The following SLC1A1 variants were observed in gnomAD, a reference collection of about 807,000 sequenced individuals.
SLC1A1 encodes excitatory amino acid transporter 3.
In SLC1A1, 43 loss-of-function variants were observed where a neutral mutation model predicts 53.3. The ratio of observed to expected loss-of-function variants is 0.81; its 90% CI spans 0.63 to 1.04. SLC1A1 has a LOEUF of 1.04. SLC1A1 is among the 50% of genes least tolerant of loss of function. SLC1A1 has a pLI of 0.00. For missense variants in SLC1A1, 748 were observed against 664.9 expected, an observed-to-expected ratio of 1.12 and a Z score of -1.37; for synonymous variants, 307 against 243.2, an observed-to-expected ratio of 1.26 and a Z score of -2.44.
chr9:4,542,181 GGA>G (rs2130874363), intron 1 of SLC1A1, among the ~76,000 whole-genome samples: 1 of 148,592 alleles, frequency 6.7e-6, no homozygotes, highest in East Asian at 1.9e-4. Flanking sequence ...AAAAGGAAAG[GGA>G]GAGACACGGA....
At chr9:4,509,399 C>A (rs1338861726) in intron 1 of SLC1A1, among the ~76,000 whole-genome samples, 1 of 151,998 alleles carries the variant, frequency 6.6e-6, no homozygotes, top group Admixed American at 6.6e-5. Flanking sequence ...GTGAGGCACC[C>A]AGGGATGAAT....
At chr9:4,496,049 C>T (rs950780567) in intron 1 of SLC1A1, among the ~76,000 whole-genome samples, 1 of 152,084 alleles carries the variant, frequency 6.6e-6, no homozygotes, top group Admixed American at 6.6e-5. Context: ...GACAGCATGT[C>T]AGGGACCTGG....
intron 1 of SLC1A1, among the ~76,000 whole-genome samples, chr9:4,519,959 T>C (rs1816008328): frequency 6.6e-6 from 1 of 152,220 alleles, no homozygotes; most frequent in Non-Finnish European, 1.5e-5. Flanking sequence ...TATTTTACTT[T>C]ATCTATAGGG....
chr9:4,567,569 C>T, intron 5 of SLC1A1, 100 bp from the exon 6 acceptor site: 1 of 747,494 alleles, frequency 1.3e-6, no homozygotes. Context: ...CCTTCAGTGG[C>T]ACTGTTTGGC....
At chr9:4,492,856 C>A (rs1411849428) in intron 1 of SLC1A1, among the ~76,000 whole-genome samples, 1 of 152,030 alleles carries the variant, frequency 6.6e-6, no homozygotes, top group African/African-American at 2.4e-5. Context: ...CCTCCTGATT[C>A]CCTGTGGAAG....
intron 1 of SLC1A1, among the ~76,000 whole-genome samples, chr9:4,505,990 A>C (rs954790466): frequency 6.6e-6 from 1 of 152,006 alleles, no homozygotes; most frequent in African/African-American, 2.4e-5. Context: ...CGCCTGGCTA[A>C]TTTTTGTATG....
At chr9:4,520,235 T>G (rs1349341906) in intron 1 of SLC1A1, among the ~76,000 whole-genome samples, 1 of 152,132 alleles carries the variant, frequency 6.6e-6, no homozygotes, top group Non-Finnish European at 1.5e-5. Flanking sequence ...TCCTGCCAAG[T>G]GGAAGTTTGA....
rs950876487 is a variant in SLC1A1, at chr9:4,556,307, A to C, written c.233-5142A>C. ...AGTGCTGGGATTACCGGCGTGAGCC[A>C]CTACGCCCCGCCCCTATCTTTTATT... On this transcript the variant is annotated intron_variant, in intron 2 of 11. Coordinates refer to ENST00000262352, the MANE Select transcript of SLC1A1 (RefSeq NM_004170.6). The surrounding 1 kb of genome is among the most constrained non-coding windows in gnomAD (Gnocchi z 4.1). Among the ~76,000 whole-genome samples, 8 of 152,338 alleles carry C rather than the reference A, an allele frequency of 5.3e-5. No homozygotes were observed. The highest frequency in any genetic ancestry group is 1.9e-4 in the African/African-American group (8 of 41,584).
At chr9:4,496,975 G>A (rs1820448703) in intron 1 of SLC1A1, among the ~76,000 whole-genome samples, 1 of 152,098 alleles carries the variant, frequency 6.6e-6, no homozygotes, top group African/African-American at 2.4e-5. Flanking sequence ...TGGGACAGTA[G>A]AAGACAGTGT....
At chr9:4,505,816 C>G (rs1174772050) in intron 1 of SLC1A1, among the ~76,000 whole-genome samples, 1 of 152,072 alleles carries the variant, frequency 6.6e-6, no homozygotes, top group Non-Finnish European at 1.5e-5. Flanking sequence ...GCCACCACGC[C>G]CAGCTAATTT....
chr9:4,555,276 A>T (rs776614407), intron 2 of SLC1A1, among the ~76,000 whole-genome samples: 12 of 152,204 alleles, frequency 7.9e-5, no homozygotes, highest in Non-Finnish European at 1.3e-4. Flanking sequence ...GCATAACACC[A>T]CCAAATGTCA....
intron 1 of SLC1A1, among the ~76,000 whole-genome samples, chr9:4,495,766 C>T (rs1311543121): frequency 6.6e-6 from 1 of 151,866 alleles, no homozygotes; most frequent in African/African-American, 2.4e-5. Flanking sequence ...CTCAGCTGAG[C>T]AGCCAGGAGT....
At chr9:4,525,718 A>AT (rs1195094112) in intron 1 of SLC1A1, among the ~76,000 whole-genome samples, 1 of 152,234 alleles carries the variant, frequency 6.6e-6, no homozygotes, top group Non-Finnish European at 1.5e-5. Flanking sequence ...TGAATTAAAC[A>AT]TCCAGTAAAT....
At position 4,490,811 on chromosome 9, in the gene SLC1A1, C is replaced by A. The variant is rs776595713; in HGVS notation, c.91+41C>A. On this transcript the variant is annotated intron_variant, in intron 1 of 11. Coordinates refer to ENST00000262352, the MANE Select transcript of SLC1A1 (RefSeq NM_004170.6). ...GGTGGGCGATGCGCGCACCCTCACG[C>A]GCTCTCTGCGCCCAGGCCGCGTGCG... is the stretch of plus-strand genomic sequence containing the variant. 7.2e-6 allele frequency: 11 copies of A among 1,531,230 alleles called. No individual in the cohort carries two copies. The Admixed American group carries it at 1.7e-4, about 24-fold the overall frequency. 94.9% of individuals were successfully genotyped at this position (1,531,230 alleles called of 1,614,324 possible). A position where few individuals can be genotyped will look rare whatever the true frequency, so the allele number is the denominator to read the frequency against.
chr9:4,497,798 TAACTG>T (rs979032846), intron 1 of SLC1A1, among the ~76,000 whole-genome samples: 5 of 152,202 alleles, frequency 3.3e-5, no homozygotes, highest in African/African-American at 1.2e-4. Flanking sequence ...GACTGACTCT[TAACTG>T]TTTTTTTAAT....
chr9:4,490,784 C>A lies in SLC1A1; in HGVS notation c.91+14C>A, dbSNP rs763709725. On this transcript the variant is annotated intron_variant, in intron 1 of 11. Coordinates refer to ENST00000262352, the MANE Select transcript of SLC1A1 (RefSeq NM_004170.6). The stretch of plus-strand genomic sequence containing the variant: ...CGGTGGTGCTAGGTGAGCGGCGCGG[C>A]GGGTGGGCGATGCGCGCACCCTCAC... The A allele has an allele frequency of 1.2e-6, 2 of 1,605,896 alleles. No homozygotes were observed. Among genetic ancestry groups the A allele is most frequent in the East Asian group, 2.2e-5 (1 of 44,708 alleles).
chr9:4,547,589 AC>A (rs1346599338), intron 2 of SLC1A1, among the ~76,000 whole-genome samples: 5 of 152,212 alleles, frequency 3.3e-5, no homozygotes, highest in African/African-American at 1.2e-4. Context: ...ATAAATTGGA[AC>A]AAACTTTCTG....
rs181129598 is a variant in SLC1A1 at position 4,532,688 on chromosome 9, A to G, written c.92-11879A>G. ...CCCCAACCCAGCAAGTCAGGCCAACATTCAAATTCAGGAAATACAGAGAAC... is the reference window on the plus strand; with the variant it reads ...CCCCAACCCAGCAAGTCAGGCCAACGTTCAAATTCAGGAAATACAGAGAAC... On this transcript the variant is annotated intron_variant, in intron 1 of 11. Transcript: ENST00000262352. Among the ~76,000 whole-genome samples the G allele has an allele frequency of 4.4e-4, 67 of 152,322 alleles. 2 individuals carry two copies. In the East Asian group the frequency reaches 0.011, roughly 24 times the overall value.
chr9:4,536,821 A>G (rs1252470339), intron 1 of SLC1A1, among the ~76,000 whole-genome samples: 2 of 152,034 alleles, frequency 1.3e-5, no homozygotes, highest in Non-Finnish European at 2.9e-5. Context: ...AGACTGGATT[A>G]AGAAAATGTG....
Sources: gnomAD v4.1 joint callset for allele counts (sites outside exome capture counted in the v4.1 genomes callset) on GRCh38, gnomAD v4.1.1 for gene constraint, Gnocchi (gnomAD v3.1) non-coding constraint, MANE v1.5 for transcripts, NCBI Gene and HGNC (gene_info 2026-07-23, HGNC 2026-07-21) for gene names.